Variants in AR observed in about 807,000 individuals in gnomAD.
The protein encoded by AR is dihydrotestosterone receptor.
In AR, 8 loss-of-function variants were observed where a neutral mutation model predicts 53.9. The ratio of observed to expected loss-of-function variants is 0.15; its 90% CI spans 0.09 to 0.27. The LOEUF (loss-of-function observed/expected upper bound fraction) is 0.27. Among genes scored for constraint, AR ranks in the 10% least tolerant of loss-of-function variants. The pLI is 1.00. For synonymous variants in AR, 359 were observed against 316.4 expected (o/e 1.13, Z -1.43); for missense variants, 639 against 742.5 (o/e 0.86, Z 1.62).
chrX:67,646,229 C>A (rs748752808), intron 2 of AR, among the ~76,000 whole-genome samples: 17 of 111,290 alleles, frequency 1.5e-4, no homozygotes, highest in Middle Eastern at 9.2e-3. Flanking sequence ...GTGCAGGGCT[C>A]AGCACAGAGT....
At chrX:67,687,150 C>A (rs1232476114) in intron 3 of AR, among the ~76,000 whole-genome samples, 1 of 111,799 alleles carries the variant, frequency 8.9e-6, no homozygotes, top group East Asian at 2.8e-4. Flanking sequence ...ATCCAACCCT[C>A]TCCCCTCTCC....
At chrX:67,604,130 A>G (rs1045694297) in intron 1 of AR, among the ~76,000 whole-genome samples, 16 of 109,820 alleles carry the variant, frequency 1.5e-4, no homozygotes, top group African/African-American at 5.3e-4. Flanking sequence ...ACATGATGGT[A>G]CAGGAACAAC....
chrX:67,594,346 A>T (rs752442671), intron 1 of AR, among the ~76,000 whole-genome samples: 1 of 112,016 alleles, frequency 8.9e-6, no homozygotes, highest in Non-Finnish European at 1.9e-5. Flanking sequence ...AATATAATAG[A>T]TAAATTATGG....
At chrX:67,694,700 A>G in intron 3 of AR, 2 of 1,155,114 alleles carry the variant, frequency 1.7e-6, no homozygotes, top group Non-Finnish European at 2.3e-6. Flanking sequence ...AATTGCAAGC[A>G]TCTCAAAATG....
chrX:67,699,054 C>T (rs750570037), intron 3 of AR, among the ~76,000 whole-genome samples: 37 of 112,220 alleles, frequency 3.3e-4, no homozygotes, highest in Admixed American at 2.5e-3. Flanking sequence ...GAACGCAAGA[C>T]TGTTGGACTC....
chrX:67,701,852 C>T (rs112338565), intron 3 of AR, among the ~76,000 whole-genome samples: 4,880 of 112,108 alleles, frequency 0.044, 107 homozygotes, highest in Non-Finnish European at 0.062. Flanking sequence ...CAAATCTATT[C>T]CAGTTTGGGC....
At chrX:67,661,323 C>A (rs1187977711) in intron 2 of AR, among the ~76,000 whole-genome samples, 1 of 110,749 alleles carries the variant, frequency 9.0e-6, no homozygotes, top group Non-Finnish European at 1.9e-5. Flanking sequence ...CAGTTTTTGC[C>A]CATTCAGTAT....
intron 3 of AR, among the ~76,000 whole-genome samples, chrX:67,701,925 A>C (rs189281041): frequency 7.6e-4 from 84 of 111,169 alleles, no homozygotes; most frequent in African/African-American, 2.7e-3. Flanking sequence ...ACTAGTTATG[A>C]AGTTTGGAGT....
intron 1 of AR, among the ~76,000 whole-genome samples, chrX:67,573,950 A>C (rs1921937564): frequency 8.9e-6 from 1 of 112,283 alleles, no homozygotes; most frequent in African/African-American, 3.2e-5. Context: ...CCACTCTACC[A>C]GTAGCATACA....
Position 67,730,221 on chromosome X carries a change from T to C in AR, c.*6380T>C, listed in dbSNP as rs2076174582. ...AAGAAAGCATCACACAAAGATTTTCTTAAAAGAAACAATTTTGCTTGAAAT... is the reference window on the plus strand; with the variant it reads ...AAGAAAGCATCACACAAAGATTTTCCTAAAAGAAACAATTTTGCTTGAAAT... On this transcript the variant is annotated 3_prime_UTR_variant, in exon 8 of 8. Transcript: ENST00000374690. 1 of 173,467 alleles carries C rather than the reference T, an allele frequency of 5.8e-6. No individual in the cohort carries two copies. 14.3% of individuals were successfully genotyped at this position (173,467 alleles called of 1,213,427 possible). A position where few individuals can be genotyped will look rare whatever the true frequency, so the allele number is the denominator to read the frequency against.
chrX:67,700,746 G>A (rs757794557), intron 3 of AR, among the ~76,000 whole-genome samples: 1 of 111,934 alleles, frequency 8.9e-6, no homozygotes, highest in East Asian at 2.8e-4. Context: ...ATTTCATCTT[G>A]ATGGATTCTC....
chrX:67,714,910 T>G (rs2076106969), intron 4 of AR, among the ~76,000 whole-genome samples: 2 of 111,915 alleles, frequency 1.8e-5, no homozygotes, highest in Non-Finnish European at 3.8e-5. Context: ...ATTGCTGATA[T>G]GTGCACAGTT....
chrX:67,695,522 A>G (rs973162529), intron 3 of AR: 4 of 751,839 alleles, frequency 5.3e-6, no homozygotes, highest in Non-Finnish European at 6.3e-6. Context: ...TTCTTCTCCC[A>G]AGCCAGACTC....
intron 1 of AR, among the ~76,000 whole-genome samples, chrX:67,627,085 G>A (rs1258028290): frequency 1.8e-5 from 2 of 108,957 alleles, no homozygotes; most frequent in Non-Finnish European, 3.8e-5. Context: ...ATGCCGCAAT[G>A]AACATACGTG....
intron 2 of AR, among the ~76,000 whole-genome samples, chrX:67,656,138 G>A (rs1926578381): frequency 8.9e-6 from 1 of 111,767 alleles, no homozygotes; most frequent in African/African-American, 3.3e-5. Flanking sequence ...CAGGCTATAA[G>A]CATTTGTATT....
intron 1 of AR, among the ~76,000 whole-genome samples, chrX:67,581,841 ATTAG>A (rs1420876895): frequency 9.0e-6 from 1 of 111,366 alleles, no homozygotes; most frequent in Admixed American, 9.6e-5. Context: ...AATAGAAATT[ATTAG>A]TTAAAGAAAT....
At chrX:67,600,492 A>G (rs1222088597) in intron 1 of AR, among the ~76,000 whole-genome samples, 1 of 110,930 alleles carries the variant, frequency 9.0e-6, no homozygotes, top group Non-Finnish European at 1.9e-5. Context: ...CTAAAAATCA[A>G]AACAATTGAA....
intron 3 of AR, among the ~76,000 whole-genome samples, chrX:67,708,641 A>G (rs2076079664): frequency 8.9e-6 from 1 of 111,997 alleles, no homozygotes; most frequent in Non-Finnish European, 1.9e-5. Flanking sequence ...CTCTCAACTC[A>G]TCAAAGTCAT....
intron 1 of AR, among the ~76,000 whole-genome samples, chrX:67,635,536 G>A (rs1268396793): frequency 9.0e-6 from 1 of 110,896 alleles, no homozygotes; most frequent in Admixed American, 9.7e-5. Flanking sequence ...AAAGTTGGGG[G>A]ACAGGAGGAG....
Sources: gnomAD v4.1 joint callset for allele counts (sites outside exome capture counted in the v4.1 genomes callset) on GRCh38, gnomAD v4.1.1 for gene constraint, MANE v1.5 for transcripts, NCBI Gene and HGNC (gene_info 2026-07-23, HGNC 2026-07-21) for gene names.